Variants in RHOBTB1 observed in about 807,000 individuals in gnomAD.
RHOBTB1 encodes rho-related BTB domain-containing protein 1.
Under a neutral mutation model 71.6 loss-of-function variants are expected in RHOBTB1, and 40 were observed. That is an observed-to-expected ratio of 0.56 (90% confidence interval 0.43 to 0.73). The LOEUF (loss-of-function observed/expected upper bound fraction) is 0.73, where lower values mean the gene tolerates loss of function less well. Among genes scored for constraint, RHOBTB1 ranks in the 30% least tolerant of loss-of-function variants. The pLI, the probability that RHOBTB1 is intolerant of heterozygous loss-of-function variation, is 0.00. For missense variants in RHOBTB1, 797 were observed against 894.0 expected (o/e 0.89, Z 1.38); for synonymous variants, 319 against 334.9 (o/e 0.95, Z 0.52).
chr10:60,913,858 T>C (rs2083124199), intron 2 of RHOBTB1, among the ~76,000 whole-genome samples: 1 of 152,226 alleles, frequency 6.6e-6, no homozygotes, highest in Admixed American at 6.5e-5. Context: ...TCTCCTCATC[T>C]GTTAAGTGGG....
chr10:60,888,168 A>G, intron 6 of RHOBTB1, 44 bp downstream of exon 6: 1 of 1,565,768 alleles, frequency 6.4e-7, no homozygotes, highest in Non-Finnish European at 8.6e-7. Context: ...GTTCAATGAA[A>G]CACAATCAAA....
intron 2 of RHOBTB1, among the ~76,000 whole-genome samples, chr10:60,927,189 A>G (rs377301884): frequency 6.6e-6 from 1 of 152,220 alleles, no homozygotes; most frequent in East Asian, 1.9e-4. Context: ...CTACAATGAA[A>G]GCTATAAGAC....
rs534470207 is a variant in RHOBTB1 at position 60,926,059 on chromosome 10, G to A, written c.-10-14507C>T. On this transcript the variant is annotated intron_variant, in intron 2 of 10. Transcript: ENST00000337910. Reference sequence around the variant, plus strand: ...CAGCCGGACCAACATGGTGCACCCCGTCCCCCGTCTCTACTAAAAATACAA... The same window carrying A: ...CAGCCGGACCAACATGGTGCACCCCATCCCCCGTCTCTACTAAAAATACAA... 4.3e-4 allele frequency among the ~76,000 whole-genome samples: 66 copies of A among 151,882 alleles called. 1 individual carries two copies. The highest frequency in any genetic ancestry group is 7.4e-5 in the Non-Finnish European group (5 of 67,942).
chr10:60,946,566 G>T (rs567158188), upstream of RHOBTB1, among the ~76,000 whole-genome samples: 15 of 152,146 alleles, frequency 9.9e-5, no homozygotes, highest in Non-Finnish European at 2.1e-4. Flanking sequence ...CTGATGTCTT[G>T]ACAGTTGCAT....
chr10:60,973,354 C>T (rs1318450701), intron 2 of RHOBTB1, among the ~76,000 whole-genome samples: 1 of 152,012 alleles, frequency 6.6e-6, no homozygotes, highest in South Asian at 2.1e-4. Flanking sequence ...ATCTTTCTGT[C>T]TACATTCAAA....
intron 2 of RHOBTB1, among the ~76,000 whole-genome samples, chr10:60,929,324 A>G (rs755374203): frequency 7.2e-5 from 11 of 152,204 alleles, no homozygotes; most frequent in Admixed American, 1.3e-4. Context: ...GAAAAATTAA[A>G]AAAACAGATT....
chr10:60,950,375 A>G (rs1240601764), intron 2 of RHOBTB1, among the ~76,000 whole-genome samples: 5 of 152,214 alleles, frequency 3.3e-5, no homozygotes, highest in Admixed American at 2.0e-4. Context: ...ACTTTACCTA[A>G]TTAAAAATAA....
intron 4 of RHOBTB1, among the ~76,000 whole-genome samples, chr10:60,900,273 G>A (rs773163573): frequency 3.9e-5 from 6 of 152,110 alleles, no homozygotes; most frequent in Non-Finnish European, 5.9e-5. Flanking sequence ...CAATTAAGAG[G>A]TAAGAATTCC....
At position 60,949,664 on chromosome 10, in the gene RHOBTB1, C is replaced by CTT. The variant is rs147906688; in HGVS notation, c.-61-7812_-61-7811dup. On this transcript the variant is annotated intron_variant, in intron 2 of 11. Coordinates refer to the RHOBTB1 transcript ENST00000357917. Reference sequence around the variant, plus strand: ...GTATTGATGTGGTTTCCAGGTGAAGCTTTTTTTTTTTTTTTTTTTTTTTTT... The same window carrying CTT: ...GTATTGATGTGGTTTCCAGGTGAAGCTTTTTTTTTTTTTTTTTTTTTTTTTTT... Among the ~76,000 whole-genome samples, 85 of 108,882 alleles carry CTT rather than the reference C, an allele frequency of 7.8e-4. 2 individuals are homozygous for CTT. Among genetic ancestry groups the CTT allele is most frequent in the African/African-American group, 2.0e-3 (57 of 28,604 alleles). The allele number at this position is 108,882 out of a possible 152,430, so 71.4% of individuals were successfully genotyped here. A position where few individuals can be genotyped will look rare whatever the true frequency, so the allele number is the denominator to read the frequency against.
chr10:60,900,596 C>T (rs981684859), intron 4 of RHOBTB1, among the ~76,000 whole-genome samples: 1 of 152,132 alleles, frequency 6.6e-6, no homozygotes, highest in African/African-American at 2.4e-5. Flanking sequence ...TCATTGTGCG[C>T]ACACAGTGTA....
intron 2 of RHOBTB1, among the ~76,000 whole-genome samples, chr10:60,929,300 T>A (rs1437279943): frequency 6.6e-6 from 1 of 152,038 alleles, no homozygotes; most frequent in Non-Finnish European, 1.5e-5. Context: ...CATGCATCCA[T>A]AATAATTGAA....
chr10:60,866,663 A>T (rs7098597), downstream of RHOBTB1, among the ~76,000 whole-genome samples: 49,354 of 151,910 alleles, frequency 0.32, 8,078 homozygotes, highest in East Asian at 0.38. Context: ...AGCTCAGCCC[A>T]GAAGTGGGCT....
At chr10:60,874,126 A>C (rs530041354) in intron 9 of RHOBTB1, among the ~76,000 whole-genome samples, 19 of 152,338 alleles carry the variant, frequency 1.2e-4, no homozygotes, top group African/African-American at 4.3e-4. Flanking sequence ...AGACTTAGTA[A>C]GTCATTGTCT....
At chr10:60,995,162 G>A (rs1007166254) in intron 1 of RHOBTB1, among the ~76,000 whole-genome samples, 31 of 152,088 alleles carry the variant, frequency 2.0e-4, no homozygotes, top group Admixed American at 1.0e-3. Flanking sequence ...TAATATACCA[G>A]TAAGAGGACT....
chr10:60,950,716 T>G (rs935164565), intron 2 of RHOBTB1, among the ~76,000 whole-genome samples: 1 of 152,248 alleles, frequency 6.6e-6, no homozygotes, highest in Admixed American at 6.5e-5. Context: ...GCTCTATACC[T>G]ACTCATAAGT....
intron 5 of RHOBTB1, among the ~76,000 whole-genome samples, chr10:60,889,898 CATT>C (rs919070864): frequency 6.6e-6 from 1 of 152,190 alleles, no homozygotes; most frequent in Non-Finnish European, 1.5e-5. Flanking sequence ...CTGTTATCAT[CATT>C]ATCACTACTC....
upstream of RHOBTB1, among the ~76,000 whole-genome samples, chr10:60,945,364 G>GCCT (rs2085180608): frequency 6.6e-6 from 1 of 152,164 alleles, no homozygotes; most frequent in Non-Finnish European, 1.5e-5. Flanking sequence ...GTCATTCTTG[G>GCCT]CCTCACCGGT....
chr10:60,898,464 T>C (rs1264015317), intron 4 of RHOBTB1, among the ~76,000 whole-genome samples: 1 of 152,136 alleles, frequency 6.6e-6, no homozygotes, highest in Non-Finnish European at 1.5e-5. Flanking sequence ...TGGAAAATTT[T>C]AGTAGGGGAG....
At chr10:60,982,971 G>C (rs918287755) in intron 2 of RHOBTB1, among the ~76,000 whole-genome samples, 1 of 152,006 alleles carries the variant, frequency 6.6e-6, no homozygotes, top group Non-Finnish European at 1.5e-5. Context: ...AACTTTTATT[G>C]TTCCATGGTC....
Sources: gnomAD v4.1 joint callset for allele counts (sites outside exome capture counted in the v4.1 genomes callset) on GRCh38, gnomAD v4.1.1 for gene constraint, MANE v1.5 for transcripts, NCBI Gene and HGNC (gene_info 2026-07-23, HGNC 2026-07-21) for gene names.